The following SLC9B2 variants were observed in gnomAD, a reference collection of about 807,000 sequenced individuals.
The protein encoded by SLC9B2 is sodium/hydrogen exchanger 9B2.
A neutral mutation model predicts 52.2 loss-of-function variants in SLC9B2; 39 were observed. That is an observed-to-expected ratio of 0.75 (90% CI 0.58 to 0.98). The LOEUF is 0.98. Ranked by LOEUF, SLC9B2 falls within the 50% of genes least tolerant of loss-of-function variation. SLC9B2 has a pLI of 0.00. For missense variants in SLC9B2, 626 were observed against 637.5 expected, an observed-to-expected ratio of 0.98 and a Z score of 0.19; for synonymous variants, 214 against 227.0, an observed-to-expected ratio of 0.94 and a Z score of 0.51.
downstream of SLC9B2, among the ~76,000 whole-genome samples, chr4:103,018,173 T>C (rs1468762642): frequency 6.6e-6 from 1 of 152,146 alleles, no homozygotes; most frequent in Non-Finnish European, 1.5e-5. Flanking sequence ...CAAAAATAAG[T>C]ACAAAATGAG....
At chr4:103,052,904 A>G (rs1744815252) in intron 4 of SLC9B2, among the ~76,000 whole-genome samples, 1 of 152,056 alleles carries the variant, frequency 6.6e-6, no homozygotes, top group Middle Eastern at 3.2e-3. Flanking sequence ...TCCCTGGGAC[A>G]CTGTTTCCTT....
At chr4:103,061,624 C>T (rs1019827470) in intron 3 of SLC9B2, among the ~76,000 whole-genome samples, 1 of 152,060 alleles carries the variant, frequency 6.6e-6, no homozygotes, top group East Asian at 1.9e-4. Flanking sequence ...CAAACCTGGA[C>T]GTCGTGCACA....
chr4:103,030,315 C>A (rs1480541076), intron 10 of SLC9B2, among the ~76,000 whole-genome samples: 1 of 152,092 alleles, frequency 6.6e-6, no homozygotes, highest in Admixed American at 6.6e-5. Flanking sequence ...ATTTAAGCTA[C>A]ATATGGTGTA....
chr4:103,026,578 G>T lies in SLC9B2; in HGVS notation c.1406C>A (p.Ser469Tyr), dbSNP rs1560539322. The T allele has an allele frequency of 6.2e-7, 1 of 1,612,776 alleles. No individual in the cohort carries two copies. Among genetic ancestry groups the T allele is most frequent in the African/African-American group, 1.3e-5 (1 of 74,854 alleles). Residue 469 changes from serine (S) to tyrosine (Y), a missense_variant, in exon 12 of 12, where the codon TCT (serine) becomes TAT (tyrosine). Transcript: ENST00000394785. ...PKATVQAAIG[S>Y]VALDTARSHG... ...TGACCTTGCTGTGTCCAAAGCCACA[G>T]ATCCTATTGCAGCCTATAAAAGTTT...
intron 7 of SLC9B2, 124 bp downstream of exon 7, chr4:103,046,927 G>T: frequency 8.8e-7 from 1 of 1,131,770 alleles, no homozygotes; most frequent in Non-Finnish European, 1.2e-6. Flanking sequence ...AGAACTCTTA[G>T]TGTTCTTTTG....
chr4:103,065,388 A>AATGACAGCT (rs1418929968), intron 3 of SLC9B2: 3 of 152,198 alleles, frequency 2.0e-5, no homozygotes, highest in African/African-American at 7.2e-5. Context: ...CACCACAAAA[A>AATGACAGCT]ATGACAGCTA....
chr4:103,049,880 T>C (rs759646659), intron 5 of SLC9B2, among the ~76,000 whole-genome samples: 28 of 151,950 alleles, frequency 1.8e-4, no homozygotes, highest in Non-Finnish European at 3.5e-4. Flanking sequence ...GGTGTGGTAG[T>C]GCATGTCTGT....
At chr4:103,020,049 G>C, downstream of SLC9B2, 7 of 461,284 alleles carry the variant, frequency 1.5e-5, no homozygotes, top group Non-Finnish European at 2.1e-5. Flanking sequence ...TCCCCAAGAC[G>C]GCCTGAGCTT....
At chr4:103,044,345 C>T (rs1198767336) in intron 8 of SLC9B2, among the ~76,000 whole-genome samples, 1 of 152,190 alleles carries the variant, frequency 6.6e-6, no homozygotes, top group Non-Finnish European at 1.5e-5. Context: ...GCTATAGCCA[C>T]GTGTAGCTAG....
chr4:103,024,209 A>G lies in SLC9B2; in HGVS notation c.*2161T>C, dbSNP rs1325321517. ...AAGGACAGGGACAATATTATTCTTG[A>G]TGATGTGCCTGGATCTCAAAAGCTT... On this transcript the variant is annotated 3_prime_UTR_variant, in exon 12 of 12. Transcript: ENST00000394785. Among the ~76,000 whole-genome samples, 1 of 152,146 alleles carries G rather than the reference A, an allele frequency of 6.6e-6. No homozygotes were observed. Among genetic ancestry groups the G allele is most frequent in the Non-Finnish European group, 1.5e-5 (1 of 68,028 alleles).
In SLC9B2 at chr4:103,028,883, C is replaced by T. The variant is rs1295987376; in HGVS notation, c.1256G>A (p.Gly419Asp). The stretch of plus-strand genomic sequence containing the variant: ...AATGCCTACGGTGGCAACACAAAGG[C>T]CTGTAAGAAATATTCAATTTTTAGA... ...SIASLRPETV[G>D]LCVATVGIAV... The change falls in exon 11 of 12, where the codon GGC becomes GAC. Residue 419 changes from glycine (G) to aspartate (D), a missense_variant and splice_region_variant. Gly to Asp is a moderately conservative substitution (Grantham distance 94, BLOSUM62 -1). Coordinates refer to ENST00000394785, the MANE Select transcript of SLC9B2 (RefSeq NM_178833.7). 1 of 1,551,342 alleles carries T rather than the reference C, an allele frequency of 6.4e-7. No individual in the cohort carries two copies. Among genetic ancestry groups the T allele is most frequent in the East Asian group, 2.4e-5 (1 of 40,880 alleles).
At chr4:103,029,740 T>A (rs1742534006) in intron 10 of SLC9B2, among the ~76,000 whole-genome samples, 1 of 152,172 alleles carries the variant, frequency 6.6e-6, no homozygotes. Flanking sequence ...GGTGATTTTT[T>A]AAAAAGTAAC....
chr4:103,077,302 C>A (rs748890371), upstream of SLC9B2: 1 of 152,150 alleles, frequency 6.6e-6, no homozygotes, highest in African/African-American at 2.4e-5. Flanking sequence ...CCATCCAATA[C>A]CCTTCTTCAG....
intron 4 of SLC9B2, among the ~76,000 whole-genome samples, chr4:103,051,215 A>G (rs1323271784): frequency 6.6e-6 from 1 of 152,178 alleles, no homozygotes; most frequent in Non-Finnish European, 1.5e-5. Flanking sequence ...GTTGAGTGTA[A>G]CTGAGGAAGC....
chr4:103,057,771 T>C (rs201712577), intron 4 of SLC9B2, 30 bp downstream of exon 4: 1 of 1,584,232 alleles, frequency 6.3e-7, no homozygotes, highest in East Asian at 2.3e-5. Context: ...TAGTTTACTC[T>C]GGATAGAACA....
chr4:103,067,350 G>T, intron 2 of SLC9B2, 111 bp downstream of exon 2: 1 of 916,516 alleles, frequency 1.1e-6, no homozygotes, highest in Non-Finnish European at 1.7e-6. Context: ...TGTTAGCTGG[G>T]AAAACTGGTA....
rs1384460730 is a variant in SLC9B2 at position 103,024,732 on chromosome 4, T to C, written c.*1638A>G. 6.6e-6 allele frequency among the ~76,000 whole-genome samples: 1 copy of C among 152,108 alleles called. No individual in the cohort carries two copies. The highest frequency in any genetic ancestry group is 1.9e-4 in the East Asian group (1 of 5,198). Reference sequence around the variant, plus strand: ...AAACACTTCAGGTACACAGATAACATGATAAAAACTGTAAACTGTATGTGA... The same window carrying C: ...AAACACTTCAGGTACACAGATAACACGATAAAAACTGTAAACTGTATGTGA... On this transcript the variant is annotated 3_prime_UTR_variant, in exon 12 of 12. Transcript: ENST00000394785.
At chr4:103,059,107 C>A (rs907694598) in intron 3 of SLC9B2, among the ~76,000 whole-genome samples, 1 of 151,954 alleles carries the variant, frequency 6.6e-6, no homozygotes. Context: ...TTGTGTTTTA[C>A]AAAACTGTGC....
At chr4:103,069,356 C>T (rs1169762862) in intron 1 of SLC9B2, among the ~76,000 whole-genome samples, 1 of 152,130 alleles carries the variant, frequency 6.6e-6, no homozygotes, top group African/African-American at 2.4e-5. Flanking sequence ...TGAATGACCC[C>T]AAATATGGTA....
Sources: allele counts gnomAD v4.1 joint callset (sites outside exome capture counted in the v4.1 genomes callset), GRCh38; gene constraint gnomAD v4.1.1; transcripts MANE v1.5; gene names NCBI Gene and HGNC (gene_info 2026-07-23, HGNC 2026-07-21).